Variants in EIF3L observed in about 807,000 individuals in gnomAD.
EIF3L encodes the protein eukaryotic translation initiation factor 3 subunit L.
Under a neutral mutation model 74.6 loss-of-function variants are expected in EIF3L, and 32 were observed. That is an observed-to-expected ratio of 0.43 (90% CI 0.32 to 0.58). The LOEUF is 0.58. EIF3L is among the 20% of genes least tolerant of loss of function. EIF3L has a pLI of 0.06. For missense variants in EIF3L, 474 were observed against 707.8 expected, an observed-to-expected ratio of 0.67 and a Z score of 3.75; for synonymous variants, 256 against 254.4, an observed-to-expected ratio of 1.01 and a Z score of -0.06.
chr22:37,855,707 G>A, intron 4 of EIF3L, 63 bp downstream of exon 4: 1 of 1,410,734 alleles, frequency 7.1e-7, no homozygotes. Flanking sequence ...TCATTAGACA[G>A]GAAGCTCAAG....
At chr22:37,888,278 T>G (rs1927424727) in intron 12 of EIF3L, 148 bp from the exon 13 acceptor site, 1 of 730,006 alleles carries the variant, frequency 1.4e-6, no homozygotes, top group Non-Finnish European at 2.3e-6. Flanking sequence ...TGTCACGGCT[T>G]TGCACACACA....
At chr22:37,863,486 T>G in intron 7 of EIF3L, 141 bp downstream of exon 7, 1 of 677,972 alleles carries the variant, frequency 1.5e-6, no homozygotes, top group Non-Finnish European at 2.4e-6. Context: ...AGACTCCAGT[T>G]TCAGCTGGCT....
chr22:37,851,595 TTGGGGGG>T, intron 3 of EIF3L, 105 bp downstream of exon 3: 3 of 363,880 alleles, frequency 8.2e-6, no homozygotes, highest in East Asian at 9.3e-5. Context: ...TTCGGGGGGG[TTGGGGGG>T]TGGGGGTCTT....
chr22:37,872,629 TTTA>T (rs1266541605), intron 8 of EIF3L, among the ~76,000 whole-genome samples: 1 of 152,170 alleles, frequency 6.6e-6, no homozygotes, highest in African/African-American at 2.4e-5. Flanking sequence ...TGAATTTTTA[TTTA>T]TTTTGAGATG....
intron 5 of EIF3L, among the ~76,000 whole-genome samples, chr22:37,860,813 C>T (rs1222991055): frequency 1.3e-5 from 2 of 152,192 alleles, no homozygotes; most frequent in Non-Finnish European, 2.9e-5. Flanking sequence ...TTATTCTCAA[C>T]ATAATAACCA....
chr22:37,867,449 A>G (rs547506429), intron 7 of EIF3L, among the ~76,000 whole-genome samples: 3 of 152,124 alleles, frequency 2.0e-5, no homozygotes, highest in South Asian at 2.1e-4. Flanking sequence ...ACTTGAGGCC[A>G]GGAGTTCGAG....
intron 4 of EIF3L, among the ~76,000 whole-genome samples, chr22:37,856,085 T>A (rs1313826225): frequency 2.6e-5 from 4 of 151,784 alleles, no homozygotes; most frequent in African/African-American, 9.7e-5. Flanking sequence ...TGAGATGGAG[T>A]CTCGTTCTGT....
Position 37,877,787 on chromosome 22 carries a change from G to A in EIF3L, c.1191G>A (p.Lys397=). ...HLQLREKYGD[K]MLRMQKGDPQ... The stretch of plus-strand genomic sequence containing the variant: ...AGCTGCGGGAGAAATATGGGGACAA[G>A]ATGTTGCGCATGCAGAAAGGTGACC... The change falls in exon 11 of 13, where the codon AAG becomes AAA. Residue 397 remains lysine (K), a synonymous_variant. Transcript: ENST00000652021. The A allele has an allele frequency of 6.2e-7, 1 of 1,613,920 alleles. No individual in the cohort carries two copies. Among genetic ancestry groups the A allele is most frequent in the Non-Finnish European group, 8.5e-7 (1 of 1,179,864 alleles).
At chr22:37,866,849 T>C (rs1601767218) in intron 7 of EIF3L, among the ~76,000 whole-genome samples, 1 of 152,220 alleles carries the variant, frequency 6.6e-6, no homozygotes. Context: ...TGTAGTTTAA[T>C]ATACAATAAA....
At chr22:37,857,579 G>A (rs905901674) in intron 4 of EIF3L, among the ~76,000 whole-genome samples, 1 of 150,316 alleles carries the variant, frequency 6.7e-6, no homozygotes, top group Non-Finnish European at 1.5e-5. Context: ...GAGTCTTGCT[G>A]TCTTGCCCAG....
intron 3 of EIF3L, among the ~76,000 whole-genome samples, 165 bp from the exon 4 acceptor site, chr22:37,855,400 G>C (rs1925446960): frequency 6.6e-6 from 1 of 152,208 alleles, no homozygotes; most frequent in African/African-American, 2.4e-5. Flanking sequence ...AAAGATTGAA[G>C]TGTGGAGTTG....
intron 5 of EIF3L, among the ~76,000 whole-genome samples, chr22:37,859,614 C>G (rs901184971): frequency 2.6e-5 from 4 of 151,524 alleles, no homozygotes; most frequent in African/African-American, 9.7e-5. Flanking sequence ...CATCTCCTGA[C>G]CTCGTGTTCC....
intron 7 of EIF3L, among the ~76,000 whole-genome samples, chr22:37,866,985 C>G (rs1314048718): frequency 1.3e-5 from 2 of 152,160 alleles, no homozygotes; most frequent in Non-Finnish European, 2.9e-5. Context: ...CACCAATGGG[C>G]TGTATCAAAT....
Position 37,877,841 on chromosome 22 carries a change from C to A in EIF3L, c.1245C>A (p.Tyr415Ter). The A allele has an allele frequency of 6.2e-7, 1 of 1,613,876 alleles. No homozygotes were observed. The highest frequency in any genetic ancestry group is 8.5e-7 in the Non-Finnish European group (1 of 1,179,872). Reference protein sequence around the residue: ...DPQVYEELFSYSCPKFLSPVV... With the variant: ...DPQVYEELFS Reference sequence around the variant, plus strand: ...AAGTCTATGAAGAACTTTTCAGTTACTCCTGCCCCAAGTTCCTGTCGCCTG... The same window carrying A: ...AAGTCTATGAAGAACTTTTCAGTTAATCCTGCCCCAAGTTCCTGTCGCCTG... The change falls in exon 11 of 13, where the codon TAC becomes TAA. Residue 415 changes from tyrosine (Y) to a stop codon, truncating the protein, a stop_gained. Transcript: ENST00000652021. LOFTEE classifies it high-confidence loss of function.
chr22:37,888,220 A>G lies in EIF3L; in HGVS notation c.1657-206A>G, dbSNP rs1448391988. 2.2e-5 allele frequency: 12 copies of G among 544,128 alleles called. No homozygotes were observed. In the South Asian group the frequency reaches 3.3e-4, roughly 15 times the overall value. 33.7% of individuals were successfully genotyped at this position (544,128 alleles called of 1,614,324 possible). On this transcript the variant is annotated intron_variant, in intron 12 of 12. Transcript: ENST00000652021. ...TTGTGTATGGGTTTGTTGAGTGTGA[A>G]GGGCAGATAAAAGAATAATCCGCGT...
chr22:37,877,939 C>T lies in EIF3L; in HGVS notation c.1343C>T (p.Ser448Phe). ...EPFLQQLKVF[S>F]DEVQQQAQLS... ...TTCCTGCAGCAGCTGAAGGTGTTTT[C>T]TGATGAAGTACAGCAGCAGGCCCAG... is the stretch of plus-strand genomic sequence containing the variant. Residue 448 changes from serine (S) to phenylalanine (F), a missense_variant, in exon 11 of 13, where the codon TCT becomes TTT. Coordinates refer to ENST00000652021, the MANE Select transcript of EIF3L (RefSeq NM_016091.4). 1.2e-6 allele frequency: 2 copies of T among 1,612,568 alleles called. No individual in the cohort carries two copies. Among genetic ancestry groups the T allele is most frequent in the Non-Finnish European group, 1.7e-6 (2 of 1,179,858 alleles).
intron 1 of EIF3L, 162 bp from the exon 2 acceptor site, chr22:37,849,849 CTGTT>C: frequency 1.4e-6 from 1 of 715,700 alleles, no homozygotes; most frequent in South Asian, 1.7e-5. Context: ...TTGTCATTGT[CTGTT>C]TACTGTCCCT....
intron 7 of EIF3L, among the ~76,000 whole-genome samples, chr22:37,864,885 A>G (rs1365046697): frequency 1.3e-5 from 2 of 152,102 alleles, no homozygotes; most frequent in Non-Finnish European, 2.9e-5. Context: ...TGGGCACATT[A>G]CTTAACCACA....
chr22:37,864,689 C>T (rs192736240), intron 7 of EIF3L, among the ~76,000 whole-genome samples: 3 of 152,144 alleles, frequency 2.0e-5, no homozygotes, highest in African/African-American at 7.2e-5. Flanking sequence ...CAGGTGCCCA[C>T]CACCACGCCC....
Sources: allele counts gnomAD v4.1 joint callset (sites outside exome capture counted in the v4.1 genomes callset), GRCh38; gene constraint gnomAD v4.1.1; transcripts MANE v1.5; gene names NCBI Gene and HGNC (gene_info 2026-07-23, HGNC 2026-07-21).